The following SEL1L2 variants were observed in gnomAD, a reference collection of about 807,000 sequenced individuals.
The protein encoded by SEL1L2 is SEL1L2 adaptor subunit of SYVN1 ubiquitin ligase, also known as protein sel-1 homolog 2.
Under a neutral mutation model 98.8 loss-of-function variants are expected in SEL1L2, and 89 were observed. The ratio of observed to expected loss-of-function variants is 0.90; its 90% CI spans 0.76 to 1.07. SEL1L2 has a LOEUF of 1.07. Among genes scored for constraint, SEL1L2 ranks in the 50% least tolerant of loss-of-function variants. SEL1L2 has a pLI of 0.00. For missense variants in SEL1L2, 788 were observed against 812.0 expected (o/e 0.97, Z 0.36); for synonymous variants, 262 against 278.5 (o/e 0.94, Z 0.59).
intron 5 of SEL1L2, among the ~76,000 whole-genome samples, chr20:13,910,042 C>T (rs2048149047): frequency 6.6e-6 from 1 of 152,134 alleles, no homozygotes; most frequent in South Asian, 2.1e-4. Context: ...TTTTGCACAC[C>T]AGGTCAATGT....
upstream of SEL1L2, among the ~76,000 whole-genome samples, chr20:13,994,489 AT>A (rs1229333632): frequency 2.0e-5 from 3 of 152,060 alleles, no homozygotes; most frequent in Admixed American, 2.0e-4. Context: ...CCCAATATAT[AT>A]AACAAGTACC....
chr20:13,965,999 A>G (rs1936582061), intron 1 of SEL1L2, among the ~76,000 whole-genome samples: 1 of 152,042 alleles, frequency 6.6e-6, no homozygotes, highest in African/African-American at 2.4e-5. Context: ...CCACCGTAAG[A>G]GATACAATAA....
At chr20:13,928,117 C>T (rs118144664) in intron 3 of SEL1L2, 1 of 152,230 alleles carries the variant, frequency 6.6e-6, no homozygotes, top group African/African-American at 2.4e-5. Flanking sequence ...AATCCCCCAA[C>T]TTTGAAGTTT....
intron 4 of SEL1L2, among the ~76,000 whole-genome samples, chr20:13,914,153 A>C: frequency 6.6e-6 from 1 of 152,208 alleles, no homozygotes. Flanking sequence ...ACAAATAATA[A>C]TGCTACTAAA....
At chr20:13,961,509 A>G (rs2050770118) in intron 1 of SEL1L2, among the ~76,000 whole-genome samples, 2 of 152,206 alleles carry the variant, frequency 1.3e-5, no homozygotes, top group Non-Finnish European at 2.9e-5. Context: ...CATCGGATTC[A>G]TAGAAGACTT....
chr20:13,925,311 T>C (rs2048841270), intron 3 of SEL1L2, among the ~76,000 whole-genome samples: 1 of 152,230 alleles, frequency 6.6e-6, no homozygotes, highest in Non-Finnish European at 1.5e-5. Context: ...GTCATTATTT[T>C]ATTGACTGAG....
chr20:13,936,740 T>C (rs1043891670), intron 2 of SEL1L2, among the ~76,000 whole-genome samples: 7 of 152,200 alleles, frequency 4.6e-5, no homozygotes, highest in Admixed American at 1.3e-4. Context: ...TAGCTCTATG[T>C]ATATTAAGCC....
intron 5 of SEL1L2, among the ~76,000 whole-genome samples, chr20:13,898,167 A>G (rs2047504509): frequency 6.6e-6 from 1 of 152,200 alleles, no homozygotes; most frequent in East Asian, 1.9e-4. Context: ...AGACTCTCAA[A>G]GAGTCTAGTT....
chr20:13,918,606 C>T (rs1275248921), intron 4 of SEL1L2, among the ~76,000 whole-genome samples: 2 of 152,194 alleles, frequency 1.3e-5, no homozygotes, highest in Non-Finnish European at 2.9e-5. Flanking sequence ...CATGGAATCA[C>T]ATACATGAAA....
chr20:13,988,429 C>T (rs963287320), intron 1 of SEL1L2, among the ~76,000 whole-genome samples: 2 of 152,124 alleles, frequency 1.3e-5, no homozygotes, highest in African/African-American at 2.4e-5. Flanking sequence ...AGATTATCTC[C>T]TCCTGCACCT....
chr20:13,912,587 G>T (rs1285282013), intron 5 of SEL1L2, among the ~76,000 whole-genome samples: 1 of 152,034 alleles, frequency 6.6e-6, no homozygotes, highest in South Asian at 2.1e-4. Flanking sequence ...ATGAGCCACC[G>T]CACCTGGCCC....
At chr20:13,873,489 G>A (rs1293080868) in intron 12 of SEL1L2, among the ~76,000 whole-genome samples, 1 of 152,044 alleles carries the variant, frequency 6.6e-6, no homozygotes, top group African/African-American at 2.4e-5. Flanking sequence ...AGCCTCCTGA[G>A]TAGCTGGGAC....
rs780706643 is a variant in SEL1L2 at position 13,850,203 on chromosome 20, G to C, written c.1935C>G (p.Ile645Met). Residue 645 changes from isoleucine (I) to methionine (M), a missense_variant, in exon 19 of 20, where the codon ATC (isoleucine) becomes ATG (methionine). By Grantham distance (10) the Ile-to-Met change is conservative. Coordinates refer to ENST00000284951, the MANE Select transcript of SEL1L2 (RefSeq NM_025229.2). ...KLETTHLLRD[I>M]LFFNFTTRWN... ...AAGACAAACTTACATTAAAAAACAGGATATCCCGGAGCAAATGCGTAGTTT... is the reference window on the plus strand; with the variant it reads ...AAGACAAACTTACATTAAAAAACAGCATATCCCGGAGCAAATGCGTAGTTT... The C allele has an allele frequency of 7.4e-6, 12 of 1,613,706 alleles. No homozygotes were observed. The Admixed American group carries it at 1.5e-4, about 20-fold the overall frequency.
intron 5 of SEL1L2, among the ~76,000 whole-genome samples, chr20:13,906,826 G>A (rs973194206): frequency 1.3e-5 from 2 of 151,998 alleles, no homozygotes; most frequent in Non-Finnish European, 2.9e-5. Context: ...TTACAGGCGC[G>A]TGCCACCACA....
upstream of SEL1L2, chr20:13,995,273 C>T (rs1248853048): frequency 4.3e-6 from 1 of 232,208 alleles, no homozygotes; most frequent in African/African-American, 2.4e-5. This position sits in a 1 kb window ranked among gnomAD's most constrained non-coding sequence, Gnocchi z 4.3. Context: ...AGGACAGCTC[C>T]AGCCCCCTCG....
intron 4 of SEL1L2, among the ~76,000 whole-genome samples, chr20:13,916,626 C>G (rs370065120): frequency 6.6e-6 from 1 of 151,990 alleles, no homozygotes; most frequent in South Asian, 2.1e-4. Flanking sequence ...ACCAACATGG[C>G]GAAACCCTGT....
At chr20:13,850,672 C>T (rs1445753945) in intron 18 of SEL1L2, among the ~76,000 whole-genome samples, 3 of 152,142 alleles carry the variant, frequency 2.0e-5, no homozygotes, top group African/African-American at 7.2e-5. Flanking sequence ...TTCCACCAAA[C>T]AACCGGAATG....
At chr20:13,964,605 ACC>A (rs1287224069) in intron 1 of SEL1L2, among the ~76,000 whole-genome samples, 1 of 151,714 alleles carries the variant, frequency 6.6e-6, no homozygotes, top group Non-Finnish European at 1.5e-5. Context: ...GGCATGCACC[ACC>A]ACCCCTGGCT....
In SEL1L2 at chr20:13,931,659, T is replaced by C; in HGVS notation, c.227A>G (p.Lys76Arg). Residue 76 changes from lysine (K) to arginine (R), a missense_variant, in exon 3 of 20, where the codon AAA (lysine) becomes AGA (arginine). By Grantham distance (26) the Lys-to-Arg change is conservative. Transcript: ENST00000284951. ...NLLEKKKNQR[K>R]IRIKGIQNKD... Reference sequence around the variant, plus strand: ...ATTTTGAATTCCTTTTATTCTTATTTTACGTTGATTCTTCTTTTTCTCCAG... The same window carrying C: ...ATTTTGAATTCCTTTTATTCTTATTCTACGTTGATTCTTCTTTTTCTCCAG... 1 of 1,515,344 alleles carries C rather than the reference T, an allele frequency of 6.6e-7. No individual in the cohort carries two copies. Among genetic ancestry groups the C allele is most frequent in the South Asian group, 1.2e-5 (1 of 83,154 alleles). The allele number at this position is 1,515,344 out of a possible 1,614,324, so 93.9% of individuals were successfully genotyped here.
Sources: gnomAD v4.1 joint callset for allele counts (sites outside exome capture counted in the v4.1 genomes callset) on GRCh38, gnomAD v4.1.1 for gene constraint, Gnocchi (gnomAD v3.1) non-coding constraint, MANE v1.5 for transcripts, NCBI Gene and HGNC (gene_info 2026-07-23, HGNC 2026-07-21) for gene names.